DYSF: variants seen among roughly 807,000 people sequenced by gnomAD.
DYSF encodes dystrophy-associated fer-1-like 1.
In DYSF, 212 loss-of-function variants were observed where a neutral mutation model predicts 274.9. The ratio of observed to expected loss-of-function variants is 0.77; its 90% CI spans 0.69 to 0.86. The LOEUF is 0.86. DYSF is among the 40% of genes least tolerant of loss of function. DYSF has a pLI of 0.00. For missense variants in DYSF, 2,666 were observed against 2,783.2 expected (o/e 0.96, Z 0.95); for synonymous variants, 1,091 against 1,078.7 (o/e 1.01, Z -0.22).
chr2:71,527,823 A>G (rs2088130961), intron 13 of DYSF, among the ~76,000 whole-genome samples: 1 of 152,166 alleles, frequency 6.6e-6, no homozygotes, highest in Non-Finnish European at 1.5e-5. Flanking sequence ...TCAAAAAATA[A>G]TGGTTTGGGG....
chr2:71,616,918 GT>G (rs1041982758), intron 40 of DYSF, among the ~76,000 whole-genome samples: 8 of 151,924 alleles, frequency 5.3e-5, no homozygotes, highest in Non-Finnish European at 8.8e-5. Context: ...ACTAGTTGTT[GT>G]TGTTTTTTTA....
At chr2:71,656,963 T>C (rs1449674606) in intron 43 of DYSF, among the ~76,000 whole-genome samples, 3 of 152,170 alleles carry the variant, frequency 2.0e-5, no homozygotes, top group East Asian at 1.9e-4. Flanking sequence ...TCAAAACCAA[T>C]TATGCCTTCC....
At chr2:71,619,086 T>C (rs2094025241) in intron 40 of DYSF, among the ~76,000 whole-genome samples, 1 of 152,056 alleles carries the variant, frequency 6.6e-6, no homozygotes, top group Non-Finnish European at 1.5e-5. Flanking sequence ...TGGAGCACTA[T>C]GTTTAGCTTT....
chr2:71,560,102 G>C (rs539167889), intron 22 of DYSF, among the ~76,000 whole-genome samples: 1 of 152,278 alleles, frequency 6.6e-6, no homozygotes, highest in African/African-American at 2.4e-5. Context: ...TGGGTGGAGC[G>C]CCATCAGCCT....
At chr2:71,520,060 C>T in intron 10 of DYSF, 118 bp from the exon 11 acceptor site, 1 of 1,159,210 alleles carries the variant, frequency 8.6e-7, no homozygotes, top group Non-Finnish European at 1.3e-6. Flanking sequence ...TGTTGACTGC[C>T]TGTGTTTCCA....
In DYSF at chr2:71,503,247, G is replaced by A. The variant is rs1191751443; in HGVS notation, c.273G>A (p.Glu91=). The change falls in exon 4 of 56, where the codon GAG becomes GAA. Residue 91 remains glutamate, a synonymous_variant. Transcript: ENST00000410020. ...GGGAAGCCAAGGTCCCACTCCGAGA[G>A]GTCCTCGCCACCCCTAGTCTGTCCG... ...FLGEAKVPLR[E]VLATPSLSAS... is the part of the protein sequence containing the mutation. 2 of 1,614,090 alleles carry A rather than the reference G, an allele frequency of 1.2e-6. No individual in the cohort carries two copies. Among genetic ancestry groups the A allele is most frequent in the Non-Finnish European group, 1.7e-6 (2 of 1,179,986 alleles).
intron 3 of DYSF, among the ~76,000 whole-genome samples, chr2:71,496,401 C>A (rs1011090761): frequency 2.0e-5 from 3 of 151,924 alleles, no homozygotes; most frequent in South Asian, 4.2e-4. Flanking sequence ...GCAGAGAGAG[C>A]GAGGGGAACA....
chr2:71,466,931 G>A lies in DYSF; in HGVS notation c.89G>A (p.Arg30Gln). 1 of 1,549,948 alleles carries A rather than the reference G, an allele frequency of 6.5e-7. No homozygotes were observed. The highest frequency in any genetic ancestry group is 1.2e-5 in the South Asian group (1 of 84,022). Residue 30 changes from arginine (R) to glutamine (Q), a missense_variant and splice_region_variant, in exon 1 of 56, where the codon CGA becomes CAA. By Grantham distance (43) the Arg-to-Gln change is conservative (BLOSUM62 1). Transcript: ENST00000410020. ...GACCCTGTCGCAAGCCTGACTTTCC[G>A]AGGTGAGAGCCCCGTGGCTGCCGCG... is the stretch of plus-strand genomic sequence containing the variant. ...RSDPVASLTF[R>Q]GVKKRTKVIK...
chr2:71,515,553 T>C (rs1437358020), intron 7 of DYSF, 70 bp from the exon 8 acceptor site: 4 of 1,609,930 alleles, frequency 2.5e-6, no homozygotes, highest in Non-Finnish European at 3.4e-6. Flanking sequence ...TTTCTGACTC[T>C]TGGGGTGGAT....
intron 16 of DYSF, among the ~76,000 whole-genome samples, chr2:71,538,090 C>G (rs1243528351): frequency 1.3e-5 from 2 of 152,240 alleles, no homozygotes; most frequent in Non-Finnish European, 2.9e-5. Flanking sequence ...CAAATCCCAG[C>G]TTTGCCATCT....
chr2:71,627,060 A>G (rs1348015651), intron 41 of DYSF, among the ~76,000 whole-genome samples: 1 of 151,118 alleles, frequency 6.6e-6, no homozygotes, highest in African/African-American at 2.4e-5. Flanking sequence ...AGAATTTATC[A>G]GATTTTTTTC....
chr2:71,620,201 G>A (rs2094061397), intron 40 of DYSF, among the ~76,000 whole-genome samples: 1 of 152,238 alleles, frequency 6.6e-6, no homozygotes, highest in African/African-American at 2.4e-5. Context: ...GAGGACATAT[G>A]AGAGAGTGGG....
intron 12 of DYSF, among the ~76,000 whole-genome samples, chr2:71,521,605 A>G (rs1327714181): frequency 3.3e-5 from 5 of 152,100 alleles, no homozygotes; most frequent in Non-Finnish European, 7.4e-5. Context: ...GGGGTGAGGT[A>G]CCTGAATATG....
chr2:71,473,253 C>CG (rs2082164894), intron 1 of DYSF, among the ~76,000 whole-genome samples: 1 of 152,220 alleles, frequency 6.6e-6, no homozygotes, highest in Non-Finnish European at 1.5e-5. Flanking sequence ...GTAATACAGG[C>CG]CTTCCTTCAG....
intron 1 of DYSF, among the ~76,000 whole-genome samples, chr2:71,468,940 C>T (rs922324678): frequency 6.6e-6 from 1 of 152,192 alleles, no homozygotes; most frequent in Non-Finnish European, 1.5e-5. Flanking sequence ...AGCCATCCTC[C>T]AGGTGTGCCT....
intron 36 of DYSF, among the ~76,000 whole-genome samples, chr2:71,605,379 C>T (rs972408032): frequency 5.9e-5 from 9 of 152,172 alleles, no homozygotes; most frequent in East Asian, 3.9e-4. Context: ...TGAGCATGTG[C>T]GAGTGTGTAC....
chr2:71,566,232 G>A (rs6750692), intron 24 of DYSF, among the ~76,000 whole-genome samples: 1 of 150,882 alleles, frequency 6.6e-6, no homozygotes, highest in Non-Finnish European at 1.5e-5. Flanking sequence ...CGGGGGCGGG[G>A]CGGGGGGTGC....
chr2:71,496,653 G>C (rs1444867699), intron 3 of DYSF, among the ~76,000 whole-genome samples: 2 of 152,112 alleles, frequency 1.3e-5, no homozygotes, highest in African/African-American at 4.8e-5. Flanking sequence ...TGGAGGAGGT[G>C]TGGGGTATGG....
chr2:71,665,216 C>T lies in DYSF; in HGVS notation c.5229C>T (p.Leu1743=). The change falls in exon 47 of 56, where the codon CTC becomes CTT. Residue 1743 remains leucine (L), a synonymous_variant. Coordinates refer to ENST00000410020, the MANE Select transcript of DYSF (RefSeq NM_001130987.2). ...DQLRPSQLLH[L]FCQQHRVKAP... ...TCCGCCCCTCCCAGCTCCTCCACCT[C>T]TTCTGCCAGCAGCATAGAGTCAAGG... The T allele has an allele frequency of 6.2e-7, 1 of 1,614,130 alleles. No individual in the cohort carries two copies. Among genetic ancestry groups the T allele is most frequent in the South Asian group, 1.1e-5 (1 of 91,088 alleles).
Sources: gnomAD v4.1 joint callset for allele counts (sites outside exome capture counted in the v4.1 genomes callset) on GRCh38, gnomAD v4.1.1 for gene constraint, MANE v1.5 for transcripts, NCBI Gene and HGNC (gene_info 2026-07-23, HGNC 2026-07-21) for gene names.